Variants in ZFP62 observed in about 807,000 individuals in gnomAD.
ZFP62 encodes ZFP62 zinc finger protein, also known as zinc finger protein 62 homolog.
In ZFP62, 44 loss-of-function variants were observed where a neutral mutation model predicts 56.4. The observed-to-expected ratio is 0.78, with a 90% confidence interval of 0.61 to 1.00. The LOEUF is 1.00. Among genes scored for constraint, ZFP62 ranks in the 50% least tolerant of loss-of-function variants. The pLI, the probability that ZFP62 is intolerant of heterozygous loss-of-function variation, is 0.00. For missense variants in ZFP62, 1,030 were observed against 1,085.7 expected (o/e 0.95, Z 0.72); for synonymous variants, 421 against 388.9 (o/e 1.08, Z -0.97).
chr5:180,845,253 G>A (rs898804585), downstream of ZFP62, among the ~76,000 whole-genome samples: 1 of 141,008 alleles, frequency 7.1e-6, no homozygotes, highest in Non-Finnish European at 1.5e-5. Context: ...AGAATTGCTT[G>A]AGCTCAGGAG....
chr5:180,837,448 C>T, the ZFP62 span, among the ~76,000 whole-genome samples: 31,970 of 152,020 alleles, frequency 0.21, 4,716 homozygotes, highest in African/African-American at 0.42. Context: ...ACCTCACACT[C>T]GGTAGGAAGA....
chr5:180,848,884 T>A lies in ZFP62; in HGVS notation c.2611A>T (p.Ile871Leu). The A allele has an allele frequency of 6.4e-7, 1 of 1,551,686 alleles. No homozygotes were observed. Among genetic ancestry groups the A allele is most frequent in the Non-Finnish European group, 8.7e-7 (1 of 1,146,958 alleles). The change falls in exon 2 of 2, where the codon ATA becomes TTA. Residue 871 changes from isoleucine to leucine, a missense_variant. Physicochemically the swap from Ile to Leu is conservative, Grantham distance 5. Transcript: ENST00000502412. Reference protein sequence around the residue: ...THTGEESLNVIYVGSYSGTSQ... With the variant: ...THTGEESLNVLYVGSYSGTSQ... ...GTGCCACTATAACTTCCCACATATA[T>A]CACATTTAAAGATTCCTCTCCAGTA...
the ZFP62 span, among the ~76,000 whole-genome samples, chr5:180,836,415 A>G: frequency 9.2e-5 from 14 of 152,144 alleles, no homozygotes; most frequent in Admixed American, 2.6e-4. Flanking sequence ...TTGTAGTAAC[A>G]CAACTCTAAT....
rs1446544947 is a variant in ZFP62, at chr5:180,849,045, C to T, written c.2450G>A (p.Cys817Tyr). Residue 817 changes from cysteine to tyrosine, a missense_variant, in exon 2 of 2, where the codon TGT becomes TAT. Coordinates refer to ENST00000502412, the MANE Select transcript of ZFP62 (RefSeq NM_001172638.2). ...TGATCTATAATTGAAGGATTTCCCA[C>T]ACTCACAATTATAGGGCTGCTTCCC... The part of the protein sequence containing the change: ...HQGKQPYNCE[C>Y]GKSFNYRSVL... 6.4e-7 allele frequency: 1 copy of T among 1,552,160 alleles called. No homozygotes were observed. The highest frequency in any genetic ancestry group is 1.4e-5 in the African/African-American group (1 of 73,048).
At chr5:180,834,038 C>G in the ZFP62 span, among the ~76,000 whole-genome samples, 1 of 152,154 alleles carries the variant, frequency 6.6e-6, no homozygotes, top group Non-Finnish European at 1.5e-5. Context: ...CGTCTGCCCC[C>G]AAAGTTTCTA....
chr5:180,838,266 TG>T, the ZFP62 span, among the ~76,000 whole-genome samples: 4 of 152,042 alleles, frequency 2.6e-5, no homozygotes, highest in Non-Finnish European at 2.9e-5. Context: ...GAGCATGGCC[TG>T]GCATGGGTCT....
At chr5:180,859,066 C>T (rs367911351) in intron 1 of ZFP62, among the ~76,000 whole-genome samples, 1 of 152,148 alleles carries the variant, frequency 6.6e-6, no homozygotes, top group African/African-American at 2.4e-5. Context: ...TCTCTGCCTC[C>T]GAGACTCAGG....
the ZFP62 span, among the ~76,000 whole-genome samples, chr5:180,837,250 A>T: frequency 1.3e-5 from 2 of 152,228 alleles, no homozygotes. Context: ...CAGTGACTCT[A>T]CCTGCGTCCT....
At chr5:180,854,419 A>C (rs1773867398) in intron 1 of ZFP62, among the ~76,000 whole-genome samples, 1 of 152,236 alleles carries the variant, frequency 6.6e-6, no homozygotes, top group Non-Finnish European at 1.5e-5. Context: ...CTGGTTGATA[A>C]ATGTAGAAGG....
At chr5:180,836,457 C>G in the ZFP62 span, among the ~76,000 whole-genome samples, 1 of 152,194 alleles carries the variant, frequency 6.6e-6, no homozygotes, top group Non-Finnish European at 1.5e-5. Context: ...GTGTTCTCCC[C>G]TGTGGGTCTC....
intron 1 of ZFP62, among the ~76,000 whole-genome samples, chr5:180,853,273 C>A (rs557938900): frequency 5.3e-5 from 8 of 152,320 alleles, no homozygotes; most frequent in African/African-American, 1.9e-4. Context: ...TGATATGGAG[C>A]AATCTGTATA....
intron 1 of ZFP62, among the ~76,000 whole-genome samples, chr5:180,859,320 AC>A (rs1774178277): frequency 6.6e-6 from 1 of 152,244 alleles, no homozygotes; most frequent in African/African-American, 2.4e-5. Flanking sequence ...AGAGAAAGTG[AC>A]AAAATGCTTA....
intron 1 of ZFP62, among the ~76,000 whole-genome samples, chr5:180,853,798 G>A (rs1007983401): frequency 2.6e-5 from 4 of 152,138 alleles, no homozygotes; most frequent in Admixed American, 1.3e-4. Context: ...TGAACAAAGC[G>A]ATTCTGAAAC....
At chr5:180,852,295 C>T (rs1773752121) in intron 1 of ZFP62, among the ~76,000 whole-genome samples, 1 of 152,146 alleles carries the variant, frequency 6.6e-6, no homozygotes, top group Admixed American at 6.5e-5. Context: ...CAGTGGCTCA[C>T]ACCTGTAATC....
chr5:180,828,184 C>A, the ZFP62 span, among the ~76,000 whole-genome samples: 1 of 152,206 alleles, frequency 6.6e-6, no homozygotes. Context: ...TCTCTCGTTC[C>A]ACCTAACGAG....
At chr5:180,842,056 G>A in the ZFP62 span, among the ~76,000 whole-genome samples, 4 of 151,968 alleles carry the variant, frequency 2.6e-5, no homozygotes, top group African/African-American at 4.8e-5. Flanking sequence ...CCAGAAAAAA[G>A]GAAGCAAATG....
At chr5:180,845,829 A>C (rs868746280), downstream of ZFP62, 1 of 985,314 alleles carries the variant, frequency 1.0e-6, no homozygotes, top group Non-Finnish European at 1.2e-6. Context: ...ATTCCCCTGC[A>C]TTGCAGGATT....
At position 180,849,357 on chromosome 5, in the gene ZFP62, C is replaced by T. The variant is rs1359649216; in HGVS notation, c.2138G>A (p.Ser713Asn). The T allele has an allele frequency of 2.6e-6, 4 of 1,551,288 alleles. No homozygotes were observed. Among genetic ancestry groups the T allele is most frequent in the East Asian group, 4.9e-5 (2 of 40,858 alleles). Residue 713 changes from serine (S) to asparagine (N), a missense_variant, in exon 2 of 2, where the codon AGC (serine) becomes AAC (asparagine). Transcript: ENST00000502412. ...TCTTTTATGGCTTATAAGAGTTCTG[C>T]TTGAGAAAAAAGCTTTTCCACATTC... ...CDECGKAFFS[S>N]RTLISHKRVH...
chr5:180,861,130 C>T, intron 1 of ZFP62, 89 bp downstream of exon 1: 1 of 398,924 alleles, frequency 2.5e-6, no homozygotes, highest in Non-Finnish European at 4.4e-6. Context: ...GCCCGAGACC[C>T]GCGGAGCAGC....
Sources: allele counts gnomAD v4.1 joint callset (sites outside exome capture counted in the v4.1 genomes callset), GRCh38; gene constraint gnomAD v4.1.1; transcripts MANE v1.5; gene names NCBI Gene and HGNC (gene_info 2026-07-23, HGNC 2026-07-21).